FARS2: variants seen among roughly 807,000 people sequenced by gnomAD.
The protein encoded by FARS2 is phenylalanine--tRNA ligase, mitochondrial.
FARS2 carries 40 observed loss-of-function variants against 46.4 expected under a neutral mutation model. The ratio of observed to expected loss-of-function variants is 0.86; its 90% CI spans 0.67 to 1.12. The LOEUF (loss-of-function observed/expected upper bound fraction) is 1.12, where lower values mean the gene tolerates loss of function less well. FARS2 is among the 50% of genes most tolerant of loss of function. The pLI is 0.00. For missense variants in FARS2, 513 were observed against 567.9 expected (o/e 0.90, Z 0.98); for synonymous variants, 234 against 214.9 (o/e 1.09, Z -0.78).
rs560425155 is a variant in FARS2 at position 5,651,403 on chromosome 6, A to G, written c.1217+38083A>G. On this transcript the variant is annotated intron_variant, in intron 6 of 6. Coordinates refer to ENST00000274680, the MANE Select transcript of FARS2 (RefSeq NM_006567.5). ...GTGTAGCAAAAGGACCACTCTGCCA[A>G]TCACCAACAGGCCTTCATCTTGGTA... is the stretch of plus-strand genomic sequence containing the variant. 1.2e-4 allele frequency among the ~76,000 whole-genome samples: 19 copies of G among 152,334 alleles called. No individual in the cohort carries two copies. In the East Asian group the frequency reaches 3.3e-3, roughly 26 times the overall value.
At chr6:5,314,439 G>A (rs576547506) in intron 1 of FARS2, among the ~76,000 whole-genome samples, 1 of 152,096 alleles carries the variant, frequency 6.6e-6, no homozygotes, top group Admixed American at 6.5e-5. Context: ...TTTCTGCAGG[G>A]GTCATTCTAC....
At chr6:5,269,320 G>A (rs1224929380) in intron 1 of FARS2, among the ~76,000 whole-genome samples, 2 of 147,560 alleles carry the variant, frequency 1.4e-5, no homozygotes, top group African/African-American at 5.0e-5. Flanking sequence ...GGGGAACATC[G>A]CACACCGGGG....
chr6:5,741,218 A>C (rs1049112131), intron 6 of FARS2, among the ~76,000 whole-genome samples: 1 of 152,198 alleles, frequency 6.6e-6, no homozygotes, highest in Admixed American at 6.5e-5. Flanking sequence ...AGTAAGATTC[A>C]CATTTTTAGC....
intron 4 of FARS2, among the ~76,000 whole-genome samples, chr6:5,538,953 G>A (rs1291643748): frequency 2.0e-5 from 3 of 152,062 alleles, no homozygotes; most frequent in Non-Finnish European, 1.5e-5. Flanking sequence ...TCCCCATGAG[G>A]GTCTGGTCCA....
intron 5 of FARS2, among the ~76,000 whole-genome samples, chr6:5,586,170 A>G (rs1444311198): frequency 6.6e-6 from 1 of 152,152 alleles, no homozygotes; most frequent in Non-Finnish European, 1.5e-5. Context: ...TCAAACAGAC[A>G]ATTTATCTTC....
At chr6:5,705,611 C>G (rs1418747358) in intron 6 of FARS2, among the ~76,000 whole-genome samples, 3 of 152,230 alleles carry the variant, frequency 2.0e-5, no homozygotes, top group Admixed American at 2.0e-4. Flanking sequence ...ATTCTCCCCA[C>G]TGAAACCCAG....
At chr6:5,303,470 C>T (rs1169089061) in intron 1 of FARS2, among the ~76,000 whole-genome samples, 1 of 152,036 alleles carries the variant, frequency 6.6e-6, no homozygotes, top group Non-Finnish European at 1.5e-5. Flanking sequence ...CTTGTTAGGG[C>T]TGAGCGCACA....
At chr6:5,677,955 A>C (rs1201412266) in intron 6 of FARS2, among the ~76,000 whole-genome samples, 1 of 152,202 alleles carries the variant, frequency 6.6e-6, no homozygotes, top group Non-Finnish European at 1.5e-5. Context: ...ATGGATTCGA[A>C]TGGCATCTTT....
At chr6:5,738,980 C>T (rs963009332) in intron 6 of FARS2, among the ~76,000 whole-genome samples, 3 of 152,160 alleles carry the variant, frequency 2.0e-5, no homozygotes, top group Admixed American at 6.5e-5. Flanking sequence ...CATTCTGTCA[C>T]GAAAAGGATC....
At chr6:5,502,469 A>G (rs1767859233) in intron 4 of FARS2, among the ~76,000 whole-genome samples, 1 of 152,244 alleles carries the variant, frequency 6.6e-6, no homozygotes, top group Non-Finnish European at 1.5e-5. Flanking sequence ...TTTTAAGGAA[A>G]AATGGATTAC....
At chr6:5,435,669 C>T (rs1355894174) in intron 4 of FARS2, among the ~76,000 whole-genome samples, 1 of 152,144 alleles carries the variant, frequency 6.6e-6, no homozygotes, top group Non-Finnish European at 1.5e-5. Context: ...ACTGGGTTGA[C>T]TCAGGCTGCT....
At chr6:5,354,516 C>CTT (rs529291216) in intron 1 of FARS2, among the ~76,000 whole-genome samples, 34 of 140,018 alleles carry the variant, frequency 2.4e-4, no homozygotes, top group Middle Eastern at 3.6e-3. Flanking sequence ...TAGTGGTTTC[C>CTT]TTTTTTTTTT....
intron 5 of FARS2, among the ~76,000 whole-genome samples, chr6:5,597,418 A>G (rs1176786474): frequency 3.3e-5 from 5 of 152,148 alleles, no homozygotes; most frequent in African/African-American, 9.7e-5. Flanking sequence ...CCTCTGGCCT[A>G]TGAGCTCTTG....
chr6:5,418,808 G>A (rs1762386466), intron 3 of FARS2, among the ~76,000 whole-genome samples: 1 of 152,052 alleles, frequency 6.6e-6, no homozygotes, highest in African/African-American at 2.4e-5. Context: ...ACCCCTCTGG[G>A]GGGTCTGTGT....
At chr6:5,379,208 C>T (rs1478594984) in intron 2 of FARS2, among the ~76,000 whole-genome samples, 1 of 152,180 alleles carries the variant, frequency 6.6e-6, no homozygotes, top group Non-Finnish European at 1.5e-5. Context: ...CTGCACAGAA[C>T]AGCAATGTCT....
At chr6:5,527,596 T>G (rs959423314) in intron 4 of FARS2, among the ~76,000 whole-genome samples, 21 of 152,234 alleles carry the variant, frequency 1.4e-4, no homozygotes, top group Admixed American at 1.4e-3. Flanking sequence ...ATATGAAGAA[T>G]GCACATTAAG....
At chr6:5,689,690 T>A (rs7754068) in intron 6 of FARS2, among the ~76,000 whole-genome samples, 145,202 of 151,974 alleles carry the variant, frequency 0.96, 69,445 homozygotes, top group African/African-American at 0.99. Context: ...TTTGGGGTGG[T>A]GAGTTCTGTA....
At chr6:5,449,846 G>A (rs2472871) in intron 4 of FARS2, among the ~76,000 whole-genome samples, 35,255 of 152,082 alleles carry the variant, frequency 0.23, 4,431 homozygotes, top group South Asian at 0.3. Context: ...AAGATTTCAG[G>A]TTTTTCAGAT....
chr6:5,571,610 C>T (rs1257650822), intron 5 of FARS2, among the ~76,000 whole-genome samples: 2 of 152,140 alleles, frequency 1.3e-5, no homozygotes, highest in Non-Finnish European at 2.9e-5. Context: ...CATCTAGTGG[C>T]TCTAGCACCC....
Sources: gnomAD v4.1 joint callset for allele counts (sites outside exome capture counted in the v4.1 genomes callset) on GRCh38, gnomAD v4.1.1 for gene constraint, MANE v1.5 for transcripts, NCBI Gene and HGNC (gene_info 2026-07-23, HGNC 2026-07-21) for gene names.